Variants in LIMS1 observed in about 807,000 individuals in gnomAD.
LIMS1 encodes LIM zinc finger domain containing 1, also known as LIM and senescent cell antigen-like-containing domain protein 1.
A neutral mutation model predicts 44.1 loss-of-function variants in LIMS1; 18 were observed. The ratio of observed to expected loss-of-function variants is 0.41; its 90% CI spans 0.28 to 0.61. The LOEUF is 0.61. Ranked by LOEUF, LIMS1 falls within the 20% of genes least tolerant of loss-of-function variation. The pLI, the probability that LIMS1 is intolerant of heterozygous loss-of-function variation, is 0.32. For missense variants in LIMS1, 201 were observed against 422.0 expected, an observed-to-expected ratio of 0.48 and a Z score of 4.59; for synonymous variants, 93 against 149.1, an observed-to-expected ratio of 0.62 and a Z score of 2.74.
chr2:108,608,364 G>A (rs1345242630), intron 1 of LIMS1, among the ~76,000 whole-genome samples: 1 of 149,902 alleles, frequency 6.7e-6, no homozygotes, highest in Non-Finnish European at 1.5e-5. Context: ...GGAGTGCAAT[G>A]GCGTGATCTC....
intron 1 of LIMS1, among the ~76,000 whole-genome samples, chr2:108,590,512 A>G (rs552490188): frequency 6.6e-6 from 1 of 152,372 alleles, no homozygotes; most frequent in East Asian, 1.9e-4. Flanking sequence ...TAAAAAATAT[A>G]CAAAAATAAC....
chr2:108,572,946 T>C (rs1301624725), intron 1 of LIMS1, among the ~76,000 whole-genome samples: 3 of 152,214 alleles, frequency 2.0e-5, no homozygotes, highest in Non-Finnish European at 4.4e-5. Context: ...GCTTTGTTGC[T>C]GTTCCGCAGC....
At position 108,551,489 on chromosome 2, in the gene LIMS1, G is replaced by GCACA. The variant is rs758535653; in HGVS notation, c.32+16896_32+16897insACAC. 3.4e-3 allele frequency among the ~76,000 whole-genome samples: 382 copies of GCACA among 111,940 alleles called. 6 individuals are homozygous for GCACA. The highest frequency in any genetic ancestry group is 7.3e-3 in the Admixed American group (78 of 10,694). 73.4% of individuals were successfully genotyped at this position (111,940 alleles called of 152,430 possible). On this transcript the variant is annotated intron_variant, in intron 1 of 9. Transcript: ENST00000544547. The stretch of plus-strand genomic sequence containing the variant: ...ACTCTATATACATATATGCGCGCGC[G>GCACA]CGCACACACACACACACACACACAC...
chr2:108,587,464 C>T (rs979243563), intron 1 of LIMS1, among the ~76,000 whole-genome samples: 9 of 151,910 alleles, frequency 5.9e-5, no homozygotes, highest in Non-Finnish European at 1.5e-5. Flanking sequence ...TCCCAGAGCA[C>T]TGAGATTACA....
At chr2:108,686,684 G>C (rs1460775838) in exon 10 of LIMS1, 2 of 151,752 alleles carry the variant, frequency 1.3e-5, no homozygotes, top group Admixed American at 6.6e-5. Flanking sequence ...GCTGAGGTAG[G>C]AGAATGGCTT....
At chr2:108,621,314 A>T in intron 1 of LIMS1, 1 of 1,549,394 alleles carries the variant, frequency 6.5e-7, no homozygotes, top group Non-Finnish European at 8.7e-7. Context: ...TGCTGAGCAT[A>T]AATGCTTTAA....
chr2:108,549,036 G>A (rs1223433122), intron 1 of LIMS1, among the ~76,000 whole-genome samples: 1 of 152,090 alleles, frequency 6.6e-6, no homozygotes, highest in Non-Finnish European at 1.5e-5. Flanking sequence ...AGCTACCTAT[G>A]CTTTTTGAGA....
At chr2:108,551,701 G>T (rs948043489) in intron 1 of LIMS1, among the ~76,000 whole-genome samples, 2 of 141,852 alleles carry the variant, frequency 1.4e-5, no homozygotes, top group Non-Finnish European at 3.0e-5. Context: ...ACATACACTA[G>T]TATATATGTA....
chr2:108,537,775 C>A (rs1324439842), intron 1 of LIMS1, among the ~76,000 whole-genome samples: 1 of 152,172 alleles, frequency 6.6e-6, no homozygotes, highest in Non-Finnish European at 1.5e-5. Context: ...TGACCTGTCT[C>A]CTGGGCAGTT....
intron 1 of LIMS1, among the ~76,000 whole-genome samples, chr2:108,550,905 G>C (rs900305989): frequency 2.6e-5 from 4 of 152,086 alleles, no homozygotes; most frequent in African/African-American, 9.6e-5. Flanking sequence ...AGGATTGCTT[G>C]AGGCCAGAAG....
At chr2:108,544,474 T>G (rs1267921915) in intron 1 of LIMS1, among the ~76,000 whole-genome samples, 4 of 152,228 alleles carry the variant, frequency 2.6e-5, no homozygotes, top group African/African-American at 9.6e-5. Flanking sequence ...TGTGTGTTTC[T>G]GCTCAGCTTC....
At chr2:108,658,922 G>A (rs1403664428) in intron 1 of LIMS1, among the ~76,000 whole-genome samples, 3 of 152,304 alleles carry the variant, frequency 2.0e-5, no homozygotes, top group African/African-American at 7.2e-5. Context: ...TAACTAATTA[G>A]CCTTGTGATG....
intron 1 of LIMS1, among the ~76,000 whole-genome samples, chr2:108,601,709 G>A (rs1456707723): frequency 6.6e-6 from 1 of 152,186 alleles, no homozygotes; most frequent in East Asian, 1.9e-4. Context: ...TAGAGACAGG[G>A]TTTCGCCATG....
intron 1 of LIMS1, among the ~76,000 whole-genome samples, chr2:108,562,562 C>T (rs1685159083): frequency 6.6e-6 from 1 of 152,202 alleles, no homozygotes; most frequent in Admixed American, 6.5e-5. Context: ...TAATCCAAAG[C>T]AAGGCCCTAA....
chr2:108,653,590 C>T (rs4488673), intron 1 of LIMS1, among the ~76,000 whole-genome samples: 62,420 of 151,726 alleles, frequency 0.41, 14,761 homozygotes, highest in East Asian at 0.94. Context: ...CTTTAGTTGT[C>T]TCTAGTGCTA....
intron 1 of LIMS1, among the ~76,000 whole-genome samples, chr2:108,622,845 T>C (rs780349013): frequency 7.2e-5 from 11 of 152,068 alleles, no homozygotes; most frequent in Non-Finnish European, 1.2e-4. Context: ...AATTAAGTTA[T>C]ATAAAAAAAA....
chr2:108,680,626 A>G, intron 8 of LIMS1, 69 bp from the exon 9 acceptor site: 1 of 1,609,282 alleles, frequency 6.2e-7, no homozygotes. Context: ...TGGAGTTGAA[A>G]TTCTAAGCTG....
intron 1 of LIMS1, among the ~76,000 whole-genome samples, chr2:108,574,836 A>G (rs1685612427): frequency 6.6e-6 from 1 of 152,102 alleles, no homozygotes; most frequent in Non-Finnish European, 1.5e-5. Context: ...TGGTGAAGGA[A>G]GCTTTTGGAG....
At chr2:108,561,054 A>T (rs923608031) in intron 1 of LIMS1, among the ~76,000 whole-genome samples, 1 of 152,216 alleles carries the variant, frequency 6.6e-6, no homozygotes, top group Non-Finnish European at 1.5e-5. Flanking sequence ...CAGTGAAAAA[A>T]ATCAGCTGCA....
Sources: gnomAD v4.1 joint callset for allele counts (sites outside exome capture counted in the v4.1 genomes callset) on GRCh38, gnomAD v4.1.1 for gene constraint, MANE v1.5 for transcripts, NCBI Gene and HGNC (gene_info 2026-07-23, HGNC 2026-07-21) for gene names.